EYS: variants seen among roughly 807,000 people sequenced by gnomAD.
The protein encoded by EYS is EGF-like photoreceptor maintenance factor, also known as protein eyes shut homolog.
In EYS, 250 loss-of-function variants were observed where a neutral mutation model predicts 282.1. The observed-to-expected ratio is 0.89, with a 90% CI of 0.80 to 0.98. The LOEUF is 0.98. EYS is among the 50% of genes least tolerant of loss of function. EYS has a pLI of 0.00. For synonymous variants in EYS, 1,355 were observed against 1,282.9 expected, an observed-to-expected ratio of 1.06 and a Z score of -1.20; for missense variants, 4,016 against 3,709.0, an observed-to-expected ratio of 1.08 and a Z score of -2.15.
At chr6:64,026,324 A>G (rs1393208494) in intron 33 of EYS, among the ~76,000 whole-genome samples, 7 of 152,156 alleles carry the variant, frequency 4.6e-5, no homozygotes, top group East Asian at 1.9e-4. Context: ...AAGAAACAAA[A>G]CAAACCAAAA....
intron 12 of EYS, among the ~76,000 whole-genome samples, chr6:65,231,067 T>A (rs1364305021): frequency 2.1e-5 from 3 of 145,462 alleles, no homozygotes; most frequent in African/African-American, 7.5e-5. Context: ...ATATATGTAC[T>A]TTTATATATA....
chr6:65,065,646 G>A (rs1305885511), intron 12 of EYS, among the ~76,000 whole-genome samples: 3 of 151,938 alleles, frequency 2.0e-5, no homozygotes, highest in African/African-American at 7.3e-5. Context: ...GCCTCCCAAA[G>A]TGCTGGGATT....
At chr6:63,855,729 C>A (rs1772373311) in intron 36 of EYS, among the ~76,000 whole-genome samples, 1 of 152,080 alleles carries the variant, frequency 6.6e-6, no homozygotes, top group African/African-American at 2.4e-5. Context: ...AAGGTAAATG[C>A]AAAATAGTTT....
chr6:64,252,086 A>G (rs957576284), intron 30 of EYS, among the ~76,000 whole-genome samples: 1 of 152,054 alleles, frequency 6.6e-6, no homozygotes, highest in Admixed American at 6.6e-5. Context: ...TCATTTGAAT[A>G]TTTTTCAATG....
At chr6:64,097,317 C>T (rs539081706) in intron 31 of EYS, among the ~76,000 whole-genome samples, 80 of 152,332 alleles carry the variant, frequency 5.3e-4, no homozygotes, top group African/African-American at 1.9e-3. Context: ...GAGGTTTCTG[C>T]TGCCTTTTGT....
chr6:64,646,297 T>C (rs1358831138), intron 22 of EYS, among the ~76,000 whole-genome samples: 1 of 152,108 alleles, frequency 6.6e-6, no homozygotes, highest in Admixed American at 6.6e-5. Flanking sequence ...CAAATATACA[T>C]AATCAACTTT....
chr6:64,932,586 G>A (rs1768762990), intron 15 of EYS, among the ~76,000 whole-genome samples: 1 of 151,836 alleles, frequency 6.6e-6, no homozygotes, highest in African/African-American at 2.4e-5. Context: ...CAGCATGCAA[G>A]TCTATAAACA....
intron 1 of EYS, among the ~76,000 whole-genome samples, chr6:65,665,495 A>G (rs373738901): frequency 1.3e-5 from 2 of 152,272 alleles, no homozygotes; most frequent in East Asian, 3.9e-4. Flanking sequence ...ACAAGGTTTT[A>G]TGAGAATTAC....
chr6:64,024,326 G>C (rs1440892141), intron 33 of EYS, among the ~76,000 whole-genome samples: 2 of 152,118 alleles, frequency 1.3e-5, no homozygotes, highest in African/African-American at 4.8e-5. Flanking sequence ...AGCTACTCTG[G>C]TGGGGACTTG....
intron 1 of EYS, among the ~76,000 whole-genome samples, chr6:65,660,322 A>C (rs1333870671): frequency 1.3e-5 from 2 of 151,754 alleles, no homozygotes; most frequent in East Asian, 1.9e-4. Context: ...TGCATGTACT[A>C]TCTCTCCTTT....
At chr6:63,940,799 C>T (rs924937636) in intron 35 of EYS, among the ~76,000 whole-genome samples, 1 of 151,396 alleles carries the variant, frequency 6.6e-6, no homozygotes, top group Non-Finnish European at 1.5e-5. Flanking sequence ...TCATCATTTA[C>T]ATTAGGTATT....
chr6:65,461,071 T>C (rs1327333059), intron 5 of EYS, among the ~76,000 whole-genome samples: 2 of 152,116 alleles, frequency 1.3e-5, no homozygotes, highest in Non-Finnish European at 2.9e-5. Context: ...ATTCAGAAAT[T>C]GTATTACTCA....
At chr6:65,420,339 G>T (rs1767408701) in intron 5 of EYS, among the ~76,000 whole-genome samples, 1 of 151,666 alleles carries the variant, frequency 6.6e-6, no homozygotes, top group African/African-American at 2.4e-5. Flanking sequence ...GATTATATTT[G>T]AAGAAACCAC....
intron 23 of EYS, among the ~76,000 whole-genome samples, chr6:64,621,212 G>A (rs935128544): frequency 6.6e-6 from 1 of 151,960 alleles, no homozygotes; most frequent in Non-Finnish European, 1.5e-5. Flanking sequence ...ATATTGACCA[G>A]TTTTAATATT....
At chr6:64,296,552 A>ATG (rs1399629041) in intron 30 of EYS, among the ~76,000 whole-genome samples, 55 of 4,780 alleles carry the variant, frequency 0.012, no homozygotes, top group Middle Eastern at 0.083. Context: ...ATATATATAT[A>ATG]TATATATATA....
intron 13 of EYS, among the ~76,000 whole-genome samples, chr6:65,056,294 A>AT (rs35958403): frequency 0.6 from 91,166 of 151,880 alleles, 28,638 homozygotes; most frequent in African/African-American, 0.77. Flanking sequence ...TAGTCCTAAA[A>AT]TAGCTAGATC....
intron 32 of EYS, among the ~76,000 whole-genome samples, chr6:64,066,969 C>A (rs797022534): frequency 6.6e-6 from 1 of 152,008 alleles, no homozygotes; most frequent in Non-Finnish European, 1.5e-5. Flanking sequence ...AAGGAATATG[C>A]ATCTTCTATC....
intron 29 of EYS, among the ~76,000 whole-genome samples, chr6:64,331,308 C>T (rs571279312): frequency 2.6e-5 from 4 of 152,226 alleles, no homozygotes; most frequent in African/African-American, 9.6e-5. Context: ...CTCTTAGAAG[C>T]CATATGGGCT....
chr6:64,409,962 G>T (rs1481670310), intron 28 of EYS, among the ~76,000 whole-genome samples: 2 of 152,036 alleles, frequency 1.3e-5, no homozygotes, highest in African/African-American at 2.4e-5. Context: ...TATAGCCTGG[G>T]TTTAAAAAAT....
Sources: allele counts gnomAD v4.1 joint callset (sites outside exome capture counted in the v4.1 genomes callset), GRCh38; gene constraint gnomAD v4.1.1; transcripts MANE v1.5; gene names NCBI Gene and HGNC (gene_info 2026-07-23, HGNC 2026-07-21).